Variants in RANBP17 observed in about 807,000 individuals in gnomAD.
RANBP17 encodes RAN binding protein 17.
In RANBP17, 158 loss-of-function variants were observed where a neutral mutation model predicts 141.2. The observed-to-expected ratio is 1.12, with a 90% CI of 0.98 to 1.28. The LOEUF is 1.28. Ranked by LOEUF, RANBP17 falls within the 50% of genes most tolerant of loss-of-function variation. The pLI, the probability that RANBP17 is intolerant of heterozygous loss-of-function variation, is 0.00. For missense variants in RANBP17, 1,438 were observed against 1,290.7 expected (o/e 1.11, Z -1.75); for synonymous variants, 430 against 450.0 (o/e 0.96, Z 0.56).
chr5:170,938,168 A>G (rs1561910297), intron 12 of RANBP17, among the ~76,000 whole-genome samples: 1 of 152,230 alleles, frequency 6.6e-6, no homozygotes, highest in Non-Finnish European at 1.5e-5. Flanking sequence ...TCAAAGACAG[A>G]TAATAAATAT....
intron 19 of RANBP17, among the ~76,000 whole-genome samples, chr5:171,204,584 C>A (rs1455440884): frequency 6.6e-6 from 1 of 151,974 alleles, no homozygotes; most frequent in African/African-American, 2.4e-5. Flanking sequence ...ATTATCGCAC[C>A]CCCTTGTTTT....
intron 21 of RANBP17, among the ~76,000 whole-genome samples, chr5:171,215,305 T>C (rs1356413751): frequency 3.9e-5 from 6 of 152,220 alleles, no homozygotes; most frequent in Admixed American, 3.3e-4. Context: ...CAGTCTATCA[T>C]TGATGGGCAT....
intron 14 of RANBP17, among the ~76,000 whole-genome samples, chr5:171,005,668 C>T (rs1197408858): frequency 6.6e-6 from 1 of 152,142 alleles, no homozygotes; most frequent in Non-Finnish European, 1.5e-5. Flanking sequence ...AAATACCATT[C>T]AGGATATAGG....
chr5:170,982,979 C>T (rs1365537220), intron 14 of RANBP17: 6 of 364,462 alleles, frequency 1.6e-5, no homozygotes, highest in African/African-American at 4.4e-5. Flanking sequence ...AATTGTATAT[C>T]CAGTAAAACT....
chr5:171,096,238 G>C (rs990549087), intron 14 of RANBP17, among the ~76,000 whole-genome samples: 3 of 152,154 alleles, frequency 2.0e-5, no homozygotes, highest in Admixed American at 1.3e-4. Context: ...AAAATAATGT[G>C]TCTATCATCA....
At chr5:171,174,669 A>AT (rs1760314927) in intron 16 of RANBP17, among the ~76,000 whole-genome samples, 2 of 151,742 alleles carry the variant, frequency 1.3e-5, no homozygotes, top group African/African-American at 4.8e-5. Flanking sequence ...CAGAAAGGAA[A>AT]TTTCATTCTC....
At chr5:171,202,233 A>G (rs2127956734) in intron 19 of RANBP17, among the ~76,000 whole-genome samples, 1 of 152,336 alleles carries the variant, frequency 6.6e-6, no homozygotes, top group African/African-American at 2.4e-5. Context: ...CTTCAAAGTA[A>G]AGGGGAAAAG....
chr5:171,237,602 G>GTT (rs1029549097), intron 22 of RANBP17, among the ~76,000 whole-genome samples: 1 of 152,170 alleles, frequency 6.6e-6, no homozygotes, highest in African/African-American at 2.4e-5. Context: ...AACAATTAGA[G>GTT]TTTTTCCTTT....
chr5:171,286,080 A>G (rs955993797), intron 25 of RANBP17, among the ~76,000 whole-genome samples: 8 of 152,200 alleles, frequency 5.3e-5, no homozygotes, highest in East Asian at 1.9e-4. Flanking sequence ...AGATGTAACA[A>G]TGGTTGGAAG....
At chr5:170,916,651 A>G in intron 9 of RANBP17, 67 bp downstream of exon 9, 1 of 1,033,990 alleles carries the variant, frequency 9.7e-7, no homozygotes. Flanking sequence ...GCACATAATA[A>G]ACTCATCATG....
chr5:170,889,228 T>G (rs987669380), intron 3 of RANBP17, among the ~76,000 whole-genome samples: 9 of 152,078 alleles, frequency 5.9e-5, no homozygotes, highest in Admixed American at 5.2e-4. Flanking sequence ...TAGGGTTGTT[T>G]CCATCAGAGG....
chr5:171,273,755 C>A (rs1767283329), intron 25 of RANBP17, among the ~76,000 whole-genome samples: 2 of 152,222 alleles, frequency 1.3e-5, no homozygotes, highest in African/African-American at 4.8e-5. Context: ...CCTTGTATTT[C>A]TCACAGCCAA....
intron 14 of RANBP17, among the ~76,000 whole-genome samples, chr5:171,064,442 A>G (rs532432909): frequency 1.3e-4 from 20 of 152,330 alleles, no homozygotes; most frequent in African/African-American, 4.3e-4. Context: ...TACATAATTA[A>G]CAAGCATTTT....
chr5:171,265,956 TAAA>T (rs1230280907), intron 25 of RANBP17, 109 bp downstream of exon 25: 1 of 827,530 alleles, frequency 1.2e-6, no homozygotes, highest in African/African-American at 1.7e-5. Context: ...TTTATACTGG[TAAA>T]AAATATATAT....
chr5:171,159,307 T>C, intron 14 of RANBP17, among the ~76,000 whole-genome samples: 1 of 152,164 alleles, frequency 6.6e-6, no homozygotes, highest in East Asian at 1.9e-4. Flanking sequence ...ATAAGTTTCA[T>C]CTCCATACTA....
At chr5:171,225,720 G>A (rs1763841160) in intron 22 of RANBP17, among the ~76,000 whole-genome samples, 1 of 152,176 alleles carries the variant, frequency 6.6e-6, no homozygotes, top group African/African-American at 2.4e-5. Context: ...TTATGATCAG[G>A]GCGGTGCAGA....
chr5:171,138,921 G>GA (rs1230201658), intron 14 of RANBP17, among the ~76,000 whole-genome samples: 1 of 151,840 alleles, frequency 6.6e-6, no homozygotes, highest in Admixed American at 6.6e-5. Flanking sequence ...GCAAAAAATG[G>GA]AAAAATTGGC....
intron 14 of RANBP17, among the ~76,000 whole-genome samples, chr5:171,155,922 A>G (rs898326615): frequency 1.3e-5 from 2 of 152,164 alleles, no homozygotes; most frequent in African/African-American, 2.4e-5. Flanking sequence ...CATTCTCATC[A>G]TAAGATTGGA....
intron 14 of RANBP17, among the ~76,000 whole-genome samples, chr5:171,121,892 A>ACAGCAG (rs1417631331): frequency 2.6e-5 from 4 of 152,182 alleles, no homozygotes; most frequent in African/African-American, 9.7e-5. Flanking sequence ...GCACTGTGCT[A>ACAGCAG]CAGCAGCGTG....
Sources: gnomAD v4.1 joint callset for allele counts (sites outside exome capture counted in the v4.1 genomes callset) on GRCh38, gnomAD v4.1.1 for gene constraint, MANE v1.5 for transcripts, NCBI Gene and HGNC (gene_info 2026-07-23, HGNC 2026-07-21) for gene names.